ATG2B: variants seen among roughly 807,000 people sequenced by gnomAD.
The protein encoded by ATG2B is autophagy-related protein 2 homolog B.
In ATG2B, 121 loss-of-function variants were observed where a neutral mutation model predicts 241.3. The ratio of observed to expected loss-of-function variants is 0.50; its 90% CI spans 0.43 to 0.58. ATG2B has a LOEUF of 0.58. Ranked by LOEUF, ATG2B falls within the 20% of genes least tolerant of loss-of-function variation. The pLI is 0.00. For missense variants in ATG2B, 2,306 were observed against 2,491.6 expected (o/e 0.93, Z 1.59); for synonymous variants, 858 against 876.6 (o/e 0.98, Z 0.37).
At chr14:96,328,615 G>T in intron 13 of ATG2B, 59 bp downstream of exon 13, 2 of 1,548,604 alleles carry the variant, frequency 1.3e-6, no homozygotes, top group South Asian at 2.4e-5. Flanking sequence ...TTATAATTGT[G>T]ACAAAATATA....
At position 96,317,453 on chromosome 14, in the gene ATG2B, TTC is replaced by T. The variant is rs1491263979; in HGVS notation, c.3038-138_3038-137del. On this transcript the variant is annotated intron_variant, in intron 19 of 41. Transcript: ENST00000359933. ...GTGAACACAGAAATACATACTGTTTTTCTCTTTAGCTTTGAACTTCAAACAAT... is the reference window on the plus strand; with the variant it reads ...GTGAACACAGAAATACATACTGTTTTTCTTTAGCTTTGAACTTCAAACAAT... The T allele has an allele frequency of 2.8e-5, 23 of 817,496 alleles. 1 individual carries two copies. Among genetic ancestry groups the T allele is most frequent in the African/African-American group, 2.3e-4 (13 of 57,762 alleles). The allele number at this position is 817,496 out of a possible 1,614,324, so 50.6% of individuals were successfully genotyped here.
intron 6 of ATG2B, among the ~76,000 whole-genome samples, chr14:96,335,991 A>G (rs1417457443): frequency 1.3e-5 from 2 of 152,116 alleles, no homozygotes; most frequent in East Asian, 3.8e-4. Context: ...TAAAAAACAA[A>G]TTTCAACTCA....
At chr14:96,334,316 C>A in intron 7 of ATG2B, 89 bp downstream of exon 7, 1 of 779,104 alleles carries the variant, frequency 1.3e-6, no homozygotes, top group Admixed American at 3.2e-5. Flanking sequence ...AAATAATAGA[C>A]TTTCCTACAT....
At chr14:96,349,669 C>T (rs1311609011) in intron 1 of ATG2B, among the ~76,000 whole-genome samples, 1 of 152,114 alleles carries the variant, frequency 6.6e-6, no homozygotes, top group African/African-American at 2.4e-5. Flanking sequence ...CTGGCTTGGG[C>T]AATTGCTTAG....
Position 96,311,162 on chromosome 14 carries a change from A to G in ATG2B, c.4116T>C (p.Pro1372=). 1 of 1,613,894 alleles carries G rather than the reference A, an allele frequency of 6.2e-7. No individual in the cohort carries two copies. ...YIASYGDLQT[P]NKADMKPGAF... Reference sequence around the variant, plus strand: ...CTCCAGGCTTCATATCTGCCTTGTTAGGTGTCTGCAAGTCACCATAGCTTG... The same window carrying G: ...CTCCAGGCTTCATATCTGCCTTGTTGGGTGTCTGCAAGTCACCATAGCTTG... Residue 1372 remains proline, a synonymous_variant, in exon 28 of 42, where the codon CCT becomes CCC. Transcript: ENST00000359933.
Position 96,344,729 on chromosome 14 carries a change from A to G in ATG2B, c.506T>C (p.Ile169Thr), listed in dbSNP as rs1888127606. The change falls in exon 4 of 42, where the codon ATA becomes ACA. Residue 169 changes from isoleucine to threonine, a missense_variant. By Grantham distance (89) the Ile-to-Thr change is moderately conservative. Around this residue, in one of 2 missense-constraint regions of ATG2B, gnomAD observed 1,927 missense variants for 2,011.2 expected, o/e 0.96. Coordinates refer to ENST00000359933, the MANE Select transcript of ATG2B (RefSeq NM_018036.7). Reference sequence around the variant, plus strand: ...ATGTTCAATTCTCAAAACAGTATCTATAAAAGTGACTTTTACTCTTCTTAG... The same window carrying G: ...ATGTTCAATTCTCAAAACAGTATCTGTAAAAGTGACTTTTACTCTTCTTAG... The part of the protein sequence containing the change: ...TVLRRVKVTF[I>T]DTVLRIEHVP... 5.6e-6 allele frequency: 9 copies of G among 1,597,194 alleles called. No individual in the cohort carries two copies. The highest frequency in any genetic ancestry group is 7.7e-6 in the Non-Finnish European group (9 of 1,170,530).
chr14:96,346,322 A>G (rs1279679877), intron 2 of ATG2B, among the ~76,000 whole-genome samples: 1 of 152,176 alleles, frequency 6.6e-6, no homozygotes, highest in Non-Finnish European at 1.5e-5. Flanking sequence ...CTGCCTTCCA[A>G]AATGGAATTT....
chr14:96,304,829 T>C (rs756145407), intron 31 of ATG2B, among the ~76,000 whole-genome samples: 9 of 152,110 alleles, frequency 5.9e-5, no homozygotes, highest in Non-Finnish European at 1.2e-4. Flanking sequence ...GCTTGCTAAA[T>C]ACTCAAAACT....
At chr14:96,319,107 C>G (rs1021645618) in intron 18 of ATG2B, among the ~76,000 whole-genome samples, 1 of 152,196 alleles carries the variant, frequency 6.6e-6, no homozygotes, top group Non-Finnish European at 1.5e-5. Flanking sequence ...AGCCCTGCCC[C>G]CTTCTGTGAG....
chr14:96,324,934 C>T (rs1887551521), intron 15 of ATG2B, among the ~76,000 whole-genome samples: 1 of 151,982 alleles, frequency 6.6e-6, no homozygotes, highest in Admixed American at 6.6e-5. Context: ...GAGAGGGTGT[C>T]GTGGCAGAGG....
At chr14:96,324,811 C>T (rs1447412660) in intron 15 of ATG2B, among the ~76,000 whole-genome samples, 1 of 151,978 alleles carries the variant, frequency 6.6e-6, no homozygotes, top group East Asian at 1.9e-4. Flanking sequence ...TTCATGAAGT[C>T]ATAATTGACA....
chr14:96,331,402 T>C lies in ATG2B; in HGVS notation c.1704A>G (p.Ala568=). 6.2e-7 allele frequency: 1 copy of C among 1,613,890 alleles called. No homozygotes were observed. ...EDFKSFRAVF[A]EACSHDHLRF... is the part of the protein sequence containing the mutation. ...TAAGGTGATCGTGTGAGCAAGCTTC[T>C]GCAAACACTGCTCGGAAAGACTTAA... Residue 568 remains alanine, a synonymous_variant, in exon 11 of 42, where the codon GCA becomes GCG. Coordinates refer to ENST00000359933, the MANE Select transcript of ATG2B (RefSeq NM_018036.7).
intron 6 of ATG2B, among the ~76,000 whole-genome samples, chr14:96,340,087 A>G (rs1480502791): frequency 2.4e-5 from 3 of 122,730 alleles, no homozygotes; most frequent in African/African-American, 8.3e-5. Flanking sequence ...GATATATATG[A>G]ATATATGCTA....
chr14:96,316,834 A>T (rs1887326378), intron 20 of ATG2B, 151 bp from the exon 21 acceptor site: 1 of 668,448 alleles, frequency 1.5e-6, no homozygotes. Flanking sequence ...ATATCATGGT[A>T]TAAAATAAAA....
intron 11 of ATG2B, among the ~76,000 whole-genome samples, chr14:96,330,805 CA>C (rs769759405): frequency 9.2e-5 from 14 of 152,126 alleles, no homozygotes; most frequent in Admixed American, 3.9e-4. Context: ...AACTATATTA[CA>C]AATTCAATTA....
Position 96,305,574 on chromosome 14 carries a change from T to A in ATG2B, c.4733+15A>T. ...TATTGGCCTCCCAAATAAACTTATA[T>A]AGAAATTAACTTACATATAACTTTT... On this transcript the variant is annotated intron_variant, in intron 31 of 41. Coordinates refer to ENST00000359933, the MANE Select transcript of ATG2B (RefSeq NM_018036.7). 1 of 1,553,396 alleles carries A rather than the reference T, an allele frequency of 6.4e-7. No individual in the cohort carries two copies. The highest frequency in any genetic ancestry group is 8.8e-7 in the Non-Finnish European group (1 of 1,131,696).
At position 96,279,850 on chromosome 14, in the gene ATG2B, G is replaced by GT. The variant is rs1220272043; in HGVS notation, c.*5904dup. 7.3e-6 allele frequency: 1 copy of GT among 137,060 alleles called. No homozygotes were observed. The highest frequency in any genetic ancestry group is 1.6e-5 in the Non-Finnish European group (1 of 63,846). The allele number at this position is 137,060 out of a possible 1,614,324, so 8.5% of individuals were successfully genotyped here. Reference sequence around the variant, plus strand: ...TGGCTGTCACAACTGGGGGAGGGGAGTTTGTTACTGGCATCCAGTGGCCAG... The same window carrying GT: ...TGGCTGTCACAACTGGGGGAGGGGAGTTTTGTTACTGGCATCCAGTGGCCAG... On this transcript the variant is annotated 3_prime_UTR_variant, in exon 42 of 42. Coordinates refer to ENST00000359933, the MANE Select transcript of ATG2B (RefSeq NM_018036.7).
chr14:96,301,715 T>C (rs1367888468), intron 34 of ATG2B, among the ~76,000 whole-genome samples: 1 of 152,194 alleles, frequency 6.6e-6, no homozygotes, highest in African/African-American at 2.4e-5. Flanking sequence ...TCTGAAAATG[T>C]ATGCATATCT....
intron 1 of ATG2B, among the ~76,000 whole-genome samples, chr14:96,353,860 GAGTTCA>G (rs1409231692): frequency 6.6e-6 from 1 of 151,936 alleles, no homozygotes; most frequent in African/African-American, 2.4e-5. Context: ...ATGGACACAG[GAGTTCA>G]ATGGAAAAAG....
Sources: gnomAD v4.1 joint callset for allele counts (sites outside exome capture counted in the v4.1 genomes callset) on GRCh38, gnomAD v4.1.1 for gene constraint, gnomAD v4.1.1 regional missense constraint, MANE v1.5 for transcripts, NCBI Gene and HGNC (gene_info 2026-07-23, HGNC 2026-07-21) for gene names.